Variants in UBE4A observed in about 807,000 individuals in gnomAD.
The protein encoded by UBE4A is ubiquitin conjugation factor E4 A.
Under a neutral mutation model 117.9 loss-of-function variants are expected in UBE4A, and 48 were observed. The observed-to-expected ratio is 0.41, with a 90% confidence interval of 0.32 to 0.52. The LOEUF (loss-of-function observed/expected upper bound fraction) is 0.52. Among genes scored for constraint, UBE4A ranks in the 20% least tolerant of loss-of-function variants. UBE4A has a pLI of 0.33. For synonymous variants in UBE4A, 407 were observed against 450.0 expected (o/e 0.90, Z 1.21); for missense variants, 1,067 against 1,296.3 (o/e 0.82, Z 2.72).
chr11:118,372,686 C>G lies in UBE4A; in HGVS notation c.721+20C>G, dbSNP rs149871374. On this transcript the variant is annotated intron_variant, in intron 6 of 19. Coordinates refer to ENST00000252108, the MANE Select transcript of UBE4A (RefSeq NM_001204077.2). ...GAGCCCGTGAGTACATGAACAAGAT[C>G]TGTAAGCTTCTACATTTTGATTTTC... is the stretch of plus-strand genomic sequence containing the variant. 2.7e-4 allele frequency: 433 copies of G among 1,608,402 alleles called. 5 individuals carry two copies. The East Asian group carries it at 8.0e-3, about 30-fold the overall frequency.
At chr11:118,360,054 A>G (rs1948508611) in intron 1 of UBE4A, among the ~76,000 whole-genome samples, 1 of 152,222 alleles carries the variant, frequency 6.6e-6, no homozygotes, top group Non-Finnish European at 1.5e-5. Flanking sequence ...AAGAGTAGAT[A>G]ACAAATAGGC....
chr11:118,373,784 A>G, intron 8 of UBE4A, 99 bp downstream of exon 8: 1 of 1,370,520 alleles, frequency 7.3e-7, no homozygotes, highest in East Asian at 2.5e-5. Context: ...CTGGGAAAGC[A>G]AATTGATCTA....
In UBE4A at chr11:118,371,617, G is replaced by C; in HGVS notation, c.512G>C (p.Arg171Thr). The change falls in exon 5 of 20, where the codon AGG becomes ACG. Residue 171 changes from arginine (R) to threonine (T), a missense_variant. By Grantham distance (71) the Arg-to-Thr change is moderately conservative (BLOSUM62 -1). This residue lies in a region of UBE4A where 1,001 missense variants were observed against 1,184.0 expected (regional missense o/e 0.85). Coordinates refer to ENST00000252108, the MANE Select transcript of UBE4A (RefSeq NM_001204077.2). ...TCTGCTGATCGAGATGCAGGAGAGA[G>C]GCACATTTTTTGTTACCTTTACTCC... ...NLSADRDAGE[R>T]HIFCYLYSCF... The C allele has an allele frequency of 6.2e-7, 1 of 1,613,768 alleles. No individual in the cohort carries two copies.
chr11:118,383,695 A>G (rs1470585483), intron 13 of UBE4A, among the ~76,000 whole-genome samples: 3 of 151,842 alleles, frequency 2.0e-5, no homozygotes, highest in African/African-American at 7.3e-5. Context: ...AGTAAATAAG[A>G]TATGTTAAGA....
rs571293243 is a variant in UBE4A at position 118,396,521 on chromosome 11, T to C, written c.*81T>C. The C allele has an allele frequency of 3.4e-6, 5 of 1,485,726 alleles. No individual in the cohort carries two copies. The highest frequency in any genetic ancestry group is 1.8e-4 in the Middle Eastern group (1 of 5,608). The allele number at this position is 1,485,726 out of a possible 1,614,324, so 92.0% of individuals were successfully genotyped here. A position where few individuals can be genotyped will look rare whatever the true frequency, so the allele number is the denominator to read the frequency against. On this transcript the variant is annotated 3_prime_UTR_variant, in exon 20 of 20. Transcript: ENST00000252108. ...TGTGGTTTCTCTCTTTCTGGTTCTG[T>C]TCCTTTTCTTTCTTCTTTTCTTTTT...
Position 118,372,667 on chromosome 11 carries a change from G to A in UBE4A, c.721+1G>A, listed in dbSNP as rs754706178. 7.4e-6 allele frequency: 12 copies of A among 1,613,642 alleles called. No individual in the cohort carries two copies. The highest frequency in any genetic ancestry group is 2.2e-5 in the East Asian group (1 of 44,880). On this transcript the variant is annotated splice_donor_variant, in intron 6 of 19. Coordinates refer to ENST00000252108, the MANE Select transcript of UBE4A (RefSeq NM_001204077.2). LOFTEE classifies it high-confidence loss of function. Reference sequence around the variant, plus strand: ...ATGTTAGAAGCCATCCAGGGAGCCCGTGAGTACATGAACAAGATCTGTAAG... The same window carrying A: ...ATGTTAGAAGCCATCCAGGGAGCCCATGAGTACATGAACAAGATCTGTAAG...
intron 19 of UBE4A, among the ~76,000 whole-genome samples, chr11:118,394,770 C>CT (rs1346323551): frequency 7.3e-6 from 1 of 136,198 alleles, no homozygotes; most frequent in African/African-American, 2.7e-5. Flanking sequence ...CGAGACTCGT[C>CT]TCAAAAAAAA....
rs1555127904 is a variant in UBE4A, at chr11:118,389,746, A to G, written c.2609A>G (p.His870Arg). 1.9e-6 allele frequency: 3 copies of G among 1,610,186 alleles called. No individual in the cohort carries two copies. Among genetic ancestry groups the G allele is most frequent in the Admixed American group, 1.7e-5 (1 of 59,942 alleles). Residue 870 changes from histidine (H) to arginine (R), a missense_variant, in exon 17 of 20, where the codon CAT becomes CGT. His to Arg is a conservative substitution (Grantham distance 29, BLOSUM62 0). Around this residue, in one of 3 missense-constraint regions of UBE4A, gnomAD observed 1,001 missense variants for 1,184.0 expected, o/e 0.85. Coordinates refer to ENST00000252108, the MANE Select transcript of UBE4A (RefSeq NM_001204077.2). ...CCAGAGATCAAGTCACTCTTTGTGC[A>G]TCCCTTCCTGGCTGAGCGCATCATC... is the stretch of plus-strand genomic sequence containing the variant. ...LTSEIKSLFVHPFLAERIISM... is the reference protein window; with the variant it reads ...LTSEIKSLFVRPFLAERIISM...
Position 118,379,379 on chromosome 11 carries a change from T to G in UBE4A, c.1572-67T>G, listed in dbSNP as rs1948679807. The G allele has an allele frequency of 2.2e-5, 32 of 1,486,734 alleles. No homozygotes were observed. The South Asian group carries it at 3.6e-4, about 17-fold the overall frequency. 92.1% of individuals were successfully genotyped at this position (1,486,734 alleles called of 1,614,324 possible). ...TTAAAGAGAAGGCTAGATAAATAAT[T>G]GAGGATTTGTTTTTTTGTGACTTTC... On this transcript the variant is annotated intron_variant, in intron 10 of 19. Coordinates refer to ENST00000252108, the MANE Select transcript of UBE4A (RefSeq NM_001204077.2).
intron 19 of UBE4A, among the ~76,000 whole-genome samples, chr11:118,393,442 G>A (rs1555128961): frequency 3.3e-5 from 5 of 152,078 alleles, no homozygotes; most frequent in South Asian, 4.1e-4. Flanking sequence ...GGGACTACAG[G>A]CATGCACTAA....
intron 16 of UBE4A, among the ~76,000 whole-genome samples, chr11:118,388,288 A>G (rs1223519523): frequency 3.3e-5 from 5 of 152,152 alleles, no homozygotes; most frequent in Non-Finnish European, 7.3e-5. Context: ...TAAATTTGGC[A>G]TGTATAAATT....
In UBE4A at chr11:118,368,663, A is replaced by G; in HGVS notation, c.154A>G (p.Asn52Asp). 1 of 1,614,230 alleles carries G rather than the reference A, an allele frequency of 6.2e-7. No homozygotes were observed. Residue 52 changes from asparagine to aspartate, a missense_variant, in exon 3 of 20, where the codon AAT (asparagine) becomes GAT (aspartate). By Grantham distance (23) the Asn-to-Asp change is conservative (BLOSUM62 1). Around this residue, in one of 3 missense-constraint regions of UBE4A, gnomAD observed 1,001 missense variants for 1,184.0 expected, o/e 0.85. Coordinates refer to ENST00000252108, the MANE Select transcript of UBE4A (RefSeq NM_001204077.2). The part of the protein sequence containing the change: ...ELPASPDDSD[N>D]SVSESLDEFD... ...CCCAGCTAGCCCAGATGACTCGGAT[A>G]ATAGCGTGTCAGAGAGCCTGGATGA...
At chr11:118,378,254 A>T (rs1221030865) in intron 10 of UBE4A, among the ~76,000 whole-genome samples, 1 of 146,936 alleles carries the variant, frequency 6.8e-6, no homozygotes, top group Non-Finnish European at 1.5e-5. Flanking sequence ...CTCAAAAAAA[A>T]AAATTAATTA....
At chr11:118,383,067 A>G (rs1292965788) in intron 13 of UBE4A, among the ~76,000 whole-genome samples, 1 of 152,152 alleles carries the variant, frequency 6.6e-6, no homozygotes, top group Non-Finnish European at 1.5e-5. Flanking sequence ...TCCATGTCAT[A>G]ACAAACTACC....
chr11:118,395,521 T>C (rs890964229), intron 19 of UBE4A, among the ~76,000 whole-genome samples: 2 of 152,226 alleles, frequency 1.3e-5, no homozygotes, highest in Non-Finnish European at 2.9e-5. Flanking sequence ...ATAAACCTTC[T>C]TATGTTTCAA....
chr11:118,373,821 T>A (rs924711272), intron 8 of UBE4A, 136 bp downstream of exon 8: 7 of 1,104,208 alleles, frequency 6.3e-6, no homozygotes, highest in African/African-American at 4.8e-5. Flanking sequence ...CATAAATAAA[T>A]TAAAACTGGG....
In UBE4A at chr11:118,365,527, G is replaced by T. The variant is rs1668019140; in HGVS notation, c.121+326G>T. On this transcript the variant is annotated intron_variant, in intron 2 of 19. Transcript: ENST00000252108. ...AGAAAAAAAAAATCACCTAGTAAAA[G>T]CTATTTAAATAAATGTTTTTAACAT... 5.3e-5 allele frequency among the ~76,000 whole-genome samples: 8 copies of T among 152,246 alleles called. No individual in the cohort carries two copies. The South Asian group carries it at 1.4e-3, about 28-fold the overall frequency.
At chr11:118,381,837 C>T (rs1429231965) in intron 12 of UBE4A, among the ~76,000 whole-genome samples, 1 of 152,212 alleles carries the variant, frequency 6.6e-6, no homozygotes, top group African/African-American at 2.4e-5. Flanking sequence ...TGCTAATGAT[C>T]TTCTAATAAT....
rs782118325 is a variant in UBE4A, at chr11:118,375,060, A to C, written c.1281A>C (p.Gln427His). The change falls in exon 9 of 20, where the codon CAA (glutamine) becomes CAC (histidine). Residue 427 changes from glutamine to histidine, a missense_variant. Physicochemically the swap from Gln to His is conservative, Grantham distance 24. This residue lies in a region of UBE4A where 1,001 missense variants were observed against 1,184.0 expected (regional missense o/e 0.85). Transcript: ENST00000252108. ...ATCAGATGCCAGAAATCTTTTTCCA[A>C]ATGTATGCCTCAGATGCTTTCTTTC... is the stretch of plus-strand genomic sequence containing the variant. ...WANQMPEIFFQMYASDAFFLN... is the reference protein window; with the variant it reads ...WANQMPEIFFHMYASDAFFLN... The C allele has an allele frequency of 6.2e-7, 1 of 1,614,168 alleles. No homozygotes were observed. The highest frequency in any genetic ancestry group is 2.2e-5 in the East Asian group (1 of 44,886).
Sources: gnomAD v4.1 joint callset for allele counts (sites outside exome capture counted in the v4.1 genomes callset) on GRCh38, gnomAD v4.1.1 for gene constraint, gnomAD v4.1.1 regional missense constraint, MANE v1.5 for transcripts, NCBI Gene and HGNC (gene_info 2026-07-23, HGNC 2026-07-21) for gene names.